RGPD1: variants seen among roughly 807,000 people sequenced by gnomAD.
RGPD1 encodes RANBP2 like and GRIP domain containing 1.
A neutral mutation model predicts 40.6 loss-of-function variants in RGPD1; 7 were observed. The ratio of observed to expected loss-of-function variants is 0.17; its 90% CI spans 0.10 to 0.32. The LOEUF is 0.32. Ranked by LOEUF, RGPD1 falls within the 10% of genes least tolerant of loss-of-function variation. RGPD1 has a pLI of 1.00. For missense variants in RGPD1, 50 were observed against 472.5 expected (o/e 0.11, Z 8.29); for synonymous variants, 24 against 167.0 (o/e 0.14, Z 6.60).
At chr2:86,913,715 G>C (rs962626975), upstream of RGPD1, 3 of 1,342,052 alleles carry the variant, frequency 2.2e-6, no homozygotes, top group African/African-American at 1.5e-5. Flanking sequence ...CAGTGCTGAC[G>C]CAGTACACAA....
intron 1 of RGPD1, among the ~76,000 whole-genome samples, chr2:86,932,112 C>CAGCCTATCT (rs1679035448): frequency 1.4e-5 from 2 of 139,188 alleles, no homozygotes; most frequent in Non-Finnish European, 3.1e-5. Context: ...GTGAGAACCA[C>CAGCCTATCT]AGCCTATCTG....
At chr2:86,914,948 C>T (rs1323374683) in intron 1 of RGPD1, among the ~76,000 whole-genome samples, 1 of 140,166 alleles carries the variant, frequency 7.1e-6, no homozygotes, top group Non-Finnish European at 1.6e-5. Context: ...GCGGCGGCGG[C>T]GGCGGCCTGG....
In RGPD1 at chr2:86,919,406, C is replaced by T. The variant is rs1389407784; in HGVS notation, c.72+5485C>T. On this transcript the variant is annotated intron_variant, in intron 1 of 22. Coordinates refer to the RGPD1 transcript ENST00000398193. ...TGATAACGTCAGGTAGCGTTCGTCA[C>T]GCCTCTGCGTAGAATCCCCCAGTGA... 2.7e-5 allele frequency among the ~76,000 whole-genome samples: 4 copies of T among 147,380 alleles called. 1 individual carries two copies. Among genetic ancestry groups the T allele is most frequent in the South Asian group, 4.5e-4 (2 of 4,490 alleles).
At chr2:86,933,245 A>G (rs1268650240) in intron 1 of RGPD1, among the ~76,000 whole-genome samples, 1 of 150,270 alleles carries the variant, frequency 6.7e-6, no homozygotes, top group African/African-American at 2.4e-5. Context: ...TAATTTATCT[A>G]CAAAAACATG....
At chr2:86,941,332 G>T (rs1679729550), upstream of RGPD1, among the ~76,000 whole-genome samples, 3 of 148,990 alleles carry the variant, frequency 2.0e-5, no homozygotes, top group South Asian at 2.1e-4. Context: ...TTAAATTTTG[G>T]TATGTTCTGT....
intron 22 of RGPD1, among the ~76,000 whole-genome samples, chr2:87,008,720 T>A (rs1682138701): frequency 6.2e-5 from 1 of 16,114 alleles, no homozygotes; most frequent in Non-Finnish European, 1.3e-4. Context: ...CAAGAACAGA[T>A]GGGTAATGTA....
intron 1 of RGPD1, among the ~76,000 whole-genome samples, chr2:86,937,062 G>A (rs1226727061): frequency 7.7e-6 from 1 of 129,082 alleles, no homozygotes; most frequent in Admixed American, 7.5e-5. Context: ...ATTCACTGCT[G>A]TATGGCTTAT....
chr2:86,954,991 CTT>C (rs569605077), intron 4 of RGPD1, among the ~76,000 whole-genome samples: 1 of 43,324 alleles, frequency 2.3e-5, no homozygotes, highest in African/African-American at 7.1e-5. Flanking sequence ...AAATGTGTGA[CTT>C]TTTTTTTTCT....
At chr2:86,960,778 A>G (rs1680927024) in intron 6 of RGPD1, among the ~76,000 whole-genome samples, 1 of 66,570 alleles carries the variant, frequency 1.5e-5, no homozygotes, top group Admixed American at 1.3e-4. Flanking sequence ...TTTAGTAGAG[A>G]TGGGGTTTCA....
chr2:86,930,447 T>C lies in RGPD1; in HGVS notation c.72+16526T>C, dbSNP rs570616334. The C allele has an allele frequency of 7.5e-6, 11 of 1,462,116 alleles. No individual in the cohort carries two copies. The African/African-American group carries it at 1.4e-4, about 19-fold the overall frequency. The allele number at this position is 1,462,116 out of a possible 1,614,324, so 90.6% of individuals were successfully genotyped here. ...ACCGGTAGGGAAAGGACCAGCCCCA[T>C]GGCATGCCCCATGATAAGCCAACAA... On this transcript the variant is annotated intron_variant, in intron 1 of 22. Transcript: ENST00000398193.
chr2:86,960,504 C>T (rs1187437755), intron 6 of RGPD1, among the ~76,000 whole-genome samples: 4 of 97,790 alleles, frequency 4.1e-5, no homozygotes, highest in South Asian at 3.2e-4. Flanking sequence ...GGATTACAGG[C>T]GTGAGCCACC....
intron 1 of RGPD1, 44 bp downstream of exon 1, chr2:86,942,352 CGGCGGCCTCGACCTGGCCG>C (rs1679869723): frequency 2.2e-6 from 2 of 929,742 alleles, no homozygotes; most frequent in African/African-American, 8.1e-5. Flanking sequence ...CCTGGCCGGG[CGGCGGCCTCGACCTGGCCG>C]GGCGGCGGCC....
At chr2:86,929,454 T>C (rs1179821243) in intron 1 of RGPD1, among the ~76,000 whole-genome samples, 1 of 151,678 alleles carries the variant, frequency 6.6e-6, no homozygotes, top group African/African-American at 2.4e-5. Context: ...GAAATGTTAA[T>C]TCATGTTCAA....
At chr2:86,933,109 A>G (rs1179745562) in intron 1 of RGPD1, among the ~76,000 whole-genome samples, 3 of 148,274 alleles carry the variant, frequency 2.0e-5, no homozygotes, top group African/African-American at 7.4e-5. Flanking sequence ...GTTTATATAT[A>G]CGTGTATGTA....
intron 1 of RGPD1, among the ~76,000 whole-genome samples, chr2:86,928,486 T>C (rs2104698873): frequency 6.6e-6 from 1 of 152,034 alleles, no homozygotes; most frequent in African/African-American, 2.4e-5. Flanking sequence ...TGGTATATGG[T>C]AAATGAGTAG....
At chr2:86,926,166 C>T (rs1465570481) in intron 1 of RGPD1, among the ~76,000 whole-genome samples, 9 of 152,278 alleles carry the variant, frequency 5.9e-5, no homozygotes, top group East Asian at 3.9e-4. Context: ...TCTGGTCTCT[C>T]GTCGTTCAGT....
intron 1 of RGPD1, among the ~76,000 whole-genome samples, chr2:86,944,110 C>T (rs1680149860): frequency 6.6e-6 from 1 of 152,070 alleles, no homozygotes; most frequent in Admixed American, 6.5e-5. Context: ...CATACGTTAT[C>T]TTATTTTGCG....
rs1677586844 is a variant in RGPD1 at position 86,914,027 on chromosome 2, CGGCGGCG to C, written c.72+108_72+114del. The C allele has an allele frequency of 2.2e-4, 3 of 13,588 alleles. 1 individual carries two copies. Among genetic ancestry groups the C allele is most frequent in the Non-Finnish European group, 4.7e-4 (3 of 6,358 alleles). 0.8% of individuals were successfully genotyped at this position (13,588 alleles called of 1,614,324 possible). On this transcript the variant is annotated intron_variant, in intron 1 of 22. Transcript: ENST00000398193. Reference sequence around the variant, plus strand: ...CGGCCTCGGCCTGGCCGGGCGGCGGCGGCGGCGGCGGCGGCGGCGGCGGCGGCGGCCT... The same window carrying C: ...CGGCCTCGGCCTGGCCGGGCGGCGGCGCGGCGGCGGCGGCGGCGGCGGCCT...
chr2:86,918,706 G>A (rs1255683542), intron 1 of RGPD1, among the ~76,000 whole-genome samples: 7 of 144,176 alleles, frequency 4.9e-5, no homozygotes, highest in East Asian at 2.0e-4. Context: ...TGATCTGCCC[G>A]TCTCAGCCTC....
Sources: allele counts gnomAD v4.1 joint callset (sites outside exome capture counted in the v4.1 genomes callset), GRCh38; gene constraint gnomAD v4.1.1; transcripts MANE v1.5; gene names NCBI Gene and HGNC (gene_info 2026-07-23, HGNC 2026-07-21).